The following FHIT variants were observed in gnomAD, a reference collection of about 807,000 sequenced individuals.
FHIT encodes the protein fragile histidine triad diadenosine triphosphatase, also known as bis(5'-adenosyl)-triphosphatase.
In FHIT, 19 loss-of-function variants were observed where a neutral mutation model predicts 17.9. The ratio of observed to expected loss-of-function variants is 1.06; its 90% confidence interval spans 0.74 to 1.56. FHIT has a LOEUF of 1.56. FHIT is among the 40% of genes most tolerant of loss of function. The pLI is 0.00. For synonymous variants in FHIT, 81 were observed against 69.7 expected (o/e 1.16, Z -0.81); for missense variants, 248 against 189.2 (o/e 1.31, Z -1.82).
chr3:60,757,573 G>A (rs563426630), intron 4 of FHIT, among the ~76,000 whole-genome samples: 3 of 152,310 alleles, frequency 2.0e-5, no homozygotes, highest in South Asian at 4.1e-4. Flanking sequence ...TATGCTAAGA[G>A]CCGGTGAGGA....
intron 3 of FHIT, among the ~76,000 whole-genome samples, chr3:60,828,420 T>A (rs531061935): frequency 6.6e-6 from 1 of 152,264 alleles, no homozygotes; most frequent in South Asian, 2.1e-4. Flanking sequence ...ATTACTTTTG[T>A]TCATTTAACA....
chr3:61,213,030 A>G (rs1443860211), intron 1 of FHIT, among the ~76,000 whole-genome samples: 20 of 152,322 alleles, frequency 1.3e-4, no homozygotes, highest in Non-Finnish European at 2.5e-4. Context: ...AGGAACAACC[A>G]GTACCAGCCA....
intron 5 of FHIT, among the ~76,000 whole-genome samples, chr3:60,286,275 A>G (rs1707725211): frequency 6.6e-6 from 1 of 152,180 alleles, no homozygotes; most frequent in Admixed American, 6.5e-5. Flanking sequence ...CTATTTTTCT[A>G]TTGTATCATT....
At chr3:61,037,845 T>G (rs2033332411) in intron 3 of FHIT, among the ~76,000 whole-genome samples, 1 of 152,332 alleles carries the variant, frequency 6.6e-6, no homozygotes, top group East Asian at 1.9e-4. Flanking sequence ...CAAATACATT[T>G]CTATTCATTA....
At chr3:60,081,674 G>C (rs1036321652) in intron 5 of FHIT, among the ~76,000 whole-genome samples, 2 of 151,980 alleles carry the variant, frequency 1.3e-5, no homozygotes, top group South Asian at 2.1e-4. Context: ...ATTATGCTGC[G>C]GTTTATTAAC....
chr3:60,525,554 A>T (rs558300180), intron 5 of FHIT, among the ~76,000 whole-genome samples: 1 of 152,234 alleles, frequency 6.6e-6, no homozygotes, highest in South Asian at 2.1e-4. Context: ...TTTTCCAGCC[A>T]CCCTATGTTG....
intron 3 of FHIT, among the ~76,000 whole-genome samples, chr3:61,037,845 T>A (rs2033332411): frequency 2.6e-5 from 4 of 152,212 alleles, no homozygotes; most frequent in Non-Finnish European, 5.9e-5. Flanking sequence ...CAAATACATT[T>A]CTATTCATTA....
At chr3:60,817,680 T>C (rs2594149) in intron 4 of FHIT, among the ~76,000 whole-genome samples, 119,678 of 151,996 alleles carry the variant, frequency 0.79, 48,407 homozygotes, top group East Asian at 0.94. Flanking sequence ...CTCTTTATTG[T>C]TGGTCCTCAC....
chr3:59,753,519 T>C (rs921416853), intron 8 of FHIT, among the ~76,000 whole-genome samples: 7 of 152,186 alleles, frequency 4.6e-5, no homozygotes, highest in Non-Finnish European at 1.0e-4. Context: ...ACTAAATTTA[T>C]TGTTCCTGTG....
intron 5 of FHIT, among the ~76,000 whole-genome samples, chr3:60,480,979 C>T (rs923583159): frequency 3.3e-5 from 5 of 152,178 alleles, no homozygotes; most frequent in Non-Finnish European, 7.3e-5. Context: ...GGTGCCAACC[C>T]CACATTTCCC....
At chr3:60,654,442 C>A (rs2040069483) in intron 4 of FHIT, among the ~76,000 whole-genome samples, 1 of 151,832 alleles carries the variant, frequency 6.6e-6, no homozygotes, top group Non-Finnish European at 1.5e-5. Context: ...CAAATGGGAG[C>A]AAAATGGAGG....
At chr3:59,918,853 C>G (rs1029210700) in intron 8 of FHIT, among the ~76,000 whole-genome samples, 3 of 152,100 alleles carry the variant, frequency 2.0e-5, no homozygotes, top group African/African-American at 7.2e-5. Context: ...ACCAAAAATA[C>G]TTTGCAGGCA....
At chr3:60,113,030 C>T (rs774256602) in intron 5 of FHIT, among the ~76,000 whole-genome samples, 1 of 152,142 alleles carries the variant, frequency 6.6e-6, no homozygotes, top group Non-Finnish European at 1.5e-5. Context: ...GCTTACATAA[C>T]ATCTAATCAT....
intron 7 of FHIT, among the ~76,000 whole-genome samples, chr3:59,995,780 C>T (rs150601471): frequency 6.2e-4 from 95 of 152,156 alleles, no homozygotes; most frequent in African/African-American, 2.2e-3. Flanking sequence ...AGAACCAACT[C>T]GGCACGTTCC....
At chr3:61,217,470 C>A (rs1423800169) in intron 1 of FHIT, among the ~76,000 whole-genome samples, 1 of 152,216 alleles carries the variant, frequency 6.6e-6, no homozygotes, top group Non-Finnish European at 1.5e-5. Context: ...AGTCTCCTCA[C>A]AACATGGTGG....
intron 4 of FHIT, among the ~76,000 whole-genome samples, chr3:60,708,804 A>C (rs1477617512): frequency 1.3e-5 from 2 of 152,204 alleles, no homozygotes; most frequent in African/African-American, 2.4e-5. Context: ...TTGTGGACAA[A>C]AGAGTTTGGG....
chr3:60,641,721 T>C (rs1237173769), intron 4 of FHIT, among the ~76,000 whole-genome samples: 1 of 152,136 alleles, frequency 6.6e-6, no homozygotes, highest in African/African-American at 2.4e-5. Flanking sequence ...CTGAAGCCTA[T>C]TCAGGTTTTG....
intron 3 of FHIT, among the ~76,000 whole-genome samples, chr3:60,836,112 G>A (rs1553743787): frequency 6.6e-6 from 1 of 152,172 alleles, no homozygotes; most frequent in Non-Finnish European, 1.5e-5. Flanking sequence ...GGTGGAACCA[G>A]CCTTGCACTG....
intron 4 of FHIT, among the ~76,000 whole-genome samples, chr3:60,700,734 T>C (rs983816043): frequency 5.0e-4 from 76 of 152,342 alleles, no homozygotes; most frequent in African/African-American, 1.7e-3. Flanking sequence ...ATGGATATTA[T>C]CAATATTTTC....
Sources: allele counts gnomAD v4.1 joint callset (sites outside exome capture counted in the v4.1 genomes callset), GRCh38; gene constraint gnomAD v4.1.1; transcripts MANE v1.5; gene names NCBI Gene and HGNC (gene_info 2026-07-23, HGNC 2026-07-21).